Variants in HIF1A observed in about 807,000 individuals in gnomAD.
HIF1A encodes the protein hypoxia-inducible factor 1-alpha.
A neutral mutation model predicts 92.7 loss-of-function variants in HIF1A; 24 were observed. The ratio of observed to expected loss-of-function variants is 0.26; its 90% CI spans 0.19 to 0.36. HIF1A has a LOEUF of 0.36. Among genes scored for constraint, HIF1A ranks in the 10% least tolerant of loss-of-function variants. The pLI, the probability that HIF1A is intolerant of heterozygous loss-of-function variation, is 1.00. For synonymous variants in HIF1A, 319 were observed against 338.7 expected, an observed-to-expected ratio of 0.94 and a Z score of 0.64; for missense variants, 799 against 998.5, an observed-to-expected ratio of 0.80 and a Z score of 2.69.
chr14:61,713,611 A>G (rs959903246), intron 1 of HIF1A, among the ~76,000 whole-genome samples: 15 of 152,188 alleles, frequency 9.9e-5, no homozygotes, highest in African/African-American at 3.6e-4. Flanking sequence ...TACCTAGCAC[A>G]GTGCATGGTA....
At chr14:61,732,791 A>G (rs188943052) in intron 7 of HIF1A, among the ~76,000 whole-genome samples, 1 of 152,376 alleles carries the variant, frequency 6.6e-6, no homozygotes, top group East Asian at 1.9e-4. Context: ...AGTATTGAAT[A>G]GCATAATTTT....
chr14:61,715,475 G>T (rs2044353354), intron 1 of HIF1A: 1 of 152,170 alleles, frequency 6.6e-6, no homozygotes, highest in East Asian at 1.9e-4. Context: ...TTGGTAATCA[G>T]GATGAGTTTT....
chr14:61,724,288 T>C (rs17099135), intron 4 of HIF1A, among the ~76,000 whole-genome samples: 2,139 of 150,878 alleles, frequency 0.014, 51 homozygotes, highest in African/African-American at 0.049. Flanking sequence ...GGATTTTGCA[T>C]GTGGATCTTT....
intron 14 of HIF1A, among the ~76,000 whole-genome samples, chr14:61,746,439 C>T (rs1162699215): frequency 1.4e-5 from 2 of 144,056 alleles, no homozygotes; most frequent in African/African-American, 5.5e-5. Flanking sequence ...CTCTGTTGCC[C>T]AGGCCTGGAG....
intron 12 of HIF1A, 65 bp downstream of exon 12, chr14:61,741,253 T>C (rs1033364703): frequency 3.5e-6 from 4 of 1,157,932 alleles, no homozygotes; most frequent in Non-Finnish European, 4.9e-6. Flanking sequence ...TATGTGATAG[T>C]ACATGATTTT....
At chr14:61,734,592 T>C (rs2044614643) in intron 8 of HIF1A, among the ~76,000 whole-genome samples, 1 of 152,208 alleles carries the variant, frequency 6.6e-6, no homozygotes, top group Non-Finnish European at 1.5e-5. Flanking sequence ...CGGCATATAC[T>C]ATCTCAAGAC....
intron 1 of HIF1A, among the ~76,000 whole-genome samples, chr14:61,717,470 T>C (rs983495536): frequency 2.6e-5 from 4 of 152,236 alleles, no homozygotes; most frequent in African/African-American, 7.2e-5. Context: ...TTTTATCACC[T>C]TCATCTAATA....
intron 10 of HIF1A, 95 bp downstream of exon 10, chr14:61,738,468 C>A: frequency 2.7e-6 from 3 of 1,101,020 alleles, no homozygotes; most frequent in Non-Finnish European, 3.9e-6. Flanking sequence ...ATTTGAACCA[C>A]AAATTACATT....
chr14:61,739,249 GT>G (rs2044677028), intron 10 of HIF1A, among the ~76,000 whole-genome samples: 2 of 152,132 alleles, frequency 1.3e-5, no homozygotes, highest in South Asian at 4.1e-4. Context: ...TTCTGGATCT[GT>G]CTTGATATTA....
At chr14:61,745,192 A>C (rs1171609051) in intron 13 of HIF1A, among the ~76,000 whole-genome samples, 2 of 152,178 alleles carry the variant, frequency 1.3e-5, no homozygotes, top group Non-Finnish European at 2.9e-5. Flanking sequence ...TGGGAGGCCA[A>C]GATGAGGATC....
chr14:61,726,295 A>C (rs2044503233), intron 4 of HIF1A: 1 of 153,060 alleles, frequency 6.5e-6, no homozygotes, highest in Non-Finnish European at 1.5e-5. Flanking sequence ...TTCTATAAAG[A>C]CATAGAGTGC....
chr14:61,718,745 A>G (rs992510645), intron 1 of HIF1A, among the ~76,000 whole-genome samples: 7 of 152,204 alleles, frequency 4.6e-5, no homozygotes, highest in Non-Finnish European at 1.0e-4. Context: ...GTTATAGTTC[A>G]TATAGATTCA....
At chr14:61,725,533 A>T (rs532493380) in intron 4 of HIF1A, among the ~76,000 whole-genome samples, 2 of 150,502 alleles carry the variant, frequency 1.3e-5, no homozygotes, top group African/African-American at 4.9e-5. Flanking sequence ...TCACGCCTCA[A>T]CCTCCCAAGT....
intron 8 of HIF1A, among the ~76,000 whole-genome samples, chr14:61,734,952 G>A (rs2044618554): frequency 6.6e-6 from 1 of 152,186 alleles, no homozygotes; most frequent in Non-Finnish European, 1.5e-5. Flanking sequence ...TAAGCTATAT[G>A]ATGTAATACA....
At chr14:61,729,991 T>G (rs1439049531) in intron 6 of HIF1A, among the ~76,000 whole-genome samples, 1 of 152,140 alleles carries the variant, frequency 6.6e-6, no homozygotes, top group African/African-American at 2.4e-5. Flanking sequence ...CATATCAAGC[T>G]CCTCAACTCC....
chr14:61,738,451 A>G (rs2044666159), intron 10 of HIF1A, 78 bp downstream of exon 10: 1 of 1,312,176 alleles, frequency 7.6e-7, no homozygotes, highest in Non-Finnish European at 1.1e-6. Flanking sequence ...GTTTGATTCA[A>G]ACACTTATTT....
At chr14:61,740,682 A>T in intron 11 of HIF1A, 55 bp downstream of exon 11, 1 of 1,545,924 alleles carries the variant, frequency 6.5e-7, no homozygotes, top group South Asian at 1.2e-5. Flanking sequence ...GTCTGAAGTG[A>T]CTTTGAGTTT....
intron 4 of HIF1A, among the ~76,000 whole-genome samples, chr14:61,722,683 A>G (rs1484193723): frequency 6.6e-6 from 1 of 152,208 alleles, no homozygotes; most frequent in Non-Finnish European, 1.5e-5. Context: ...AAGACAAACA[A>G]CTGCTTATTT....
rs919011713 is a variant in HIF1A, at chr14:61,726,910, T to G, written c.570+92T>G. Reference sequence around the variant, plus strand: ...AACTTTAGAATTGTGAGGGAAGGTTTACAGTTCCATGGTGTTTGGTTATGT... The same window carrying G: ...AACTTTAGAATTGTGAGGGAAGGTTGACAGTTCCATGGTGTTTGGTTATGT... On this transcript the variant is annotated intron_variant, in intron 5 of 14. Coordinates refer to ENST00000337138, the MANE Select transcript of HIF1A (RefSeq NM_001530.4). The G allele has an allele frequency of 6.1e-5, 41 of 672,554 alleles. No homozygotes were observed. In the African/African-American group the frequency reaches 7.1e-4, roughly 12 times the overall value. 41.7% of individuals were successfully genotyped at this position (672,554 alleles called of 1,614,324 possible).
Sources: allele counts gnomAD v4.1 joint callset (sites outside exome capture counted in the v4.1 genomes callset), GRCh38; gene constraint gnomAD v4.1.1; transcripts MANE v1.5; gene names NCBI Gene and HGNC (gene_info 2026-07-23, HGNC 2026-07-21).